The following RALGPS1 variants were observed in gnomAD, a reference collection of about 807,000 sequenced individuals.
RALGPS1 encodes the protein ras-specific guanine nucleotide-releasing factor RalGPS1.
Under a neutral mutation model 78.8 loss-of-function variants are expected in RALGPS1, and 19 were observed. The observed-to-expected ratio is 0.24, with a 90% confidence interval of 0.17 to 0.35. The LOEUF is 0.35. Among genes scored for constraint, RALGPS1 ranks in the 10% least tolerant of loss-of-function variants. RALGPS1 has a pLI of 1.00. For missense variants in RALGPS1, 454 were observed against 688.3 expected (o/e 0.66, Z 3.81); for synonymous variants, 228 against 256.3 (o/e 0.89, Z 1.06).
chr9:127,010,298 G>A (rs541195120), intron 4 of RALGPS1, among the ~76,000 whole-genome samples: 1 of 152,236 alleles, frequency 6.6e-6, no homozygotes, highest in East Asian at 1.9e-4. Context: ...TCCTCTGACT[G>A]TATTAAGGTG....
At chr9:126,923,617 A>G (rs907657760) in intron 1 of RALGPS1, among the ~76,000 whole-genome samples, 2 of 152,218 alleles carry the variant, frequency 1.3e-5, no homozygotes, top group Non-Finnish European at 2.9e-5. Flanking sequence ...AAGTATAGTA[A>G]TGCTTGGTAC....
chr9:127,079,893 A>G (rs1219836783), intron 8 of RALGPS1: 1 of 152,262 alleles, frequency 6.6e-6, no homozygotes, highest in Non-Finnish European at 1.5e-5. Flanking sequence ...GCAATGGATA[A>G]CGAGCACATT....
intron 1 of RALGPS1, among the ~76,000 whole-genome samples, chr9:126,928,943 T>C (rs1198379900): frequency 6.6e-6 from 1 of 152,170 alleles, no homozygotes; most frequent in Non-Finnish European, 1.5e-5. Context: ...ATATGTTACC[T>C]AACCTCTTTG....
At chr9:127,173,394 T>G (rs2139840934) in intron 10 of RALGPS1, among the ~76,000 whole-genome samples, 3 of 152,360 alleles carry the variant, frequency 2.0e-5, no homozygotes, top group Admixed American at 2.0e-4. Flanking sequence ...AGCCATGCCA[T>G]GATGCAACTC....
At chr9:126,956,570 A>G (rs985282769) in intron 1 of RALGPS1, among the ~76,000 whole-genome samples, 4 of 151,996 alleles carry the variant, frequency 2.6e-5, no homozygotes, top group Non-Finnish European at 5.9e-5. Context: ...GCCATGCTTC[A>G]TCTGTAGGTG....
intron 10 of RALGPS1, among the ~76,000 whole-genome samples, chr9:127,171,884 TA>T: frequency 6.6e-6 from 1 of 152,338 alleles, no homozygotes; most frequent in African/African-American, 2.4e-5. Context: ...ATGAGAATAT[TA>T]GCCCTCTCCC....
chr9:126,923,351 G>T lies in RALGPS1; in HGVS notation c.-66+8376G>T, dbSNP rs773088949. ...TGTGAGAGAAGCTGAGGGTCCTAACGCCTCAAGTGCCTGTTCTCATGCTCC... is the reference window on the plus strand; with the variant it reads ...TGTGAGAGAAGCTGAGGGTCCTAACTCCTCAAGTGCCTGTTCTCATGCTCC... On this transcript the variant is annotated intron_variant, in intron 1 of 18. Coordinates refer to ENST00000259351, the MANE Select transcript of RALGPS1 (RefSeq NM_014636.3). 4.6e-5 allele frequency among the ~76,000 whole-genome samples: 7 copies of T among 152,288 alleles called. No individual in the cohort carries two copies. The East Asian group carries it at 1.2e-3, about 25-fold the overall frequency.
chr9:127,000,117 C>T (rs2043153265), intron 4 of RALGPS1, among the ~76,000 whole-genome samples: 1 of 152,044 alleles, frequency 6.6e-6, no homozygotes, highest in African/African-American at 2.4e-5. Context: ...CTGGTCAGTC[C>T]AGCTAAAATT....
chr9:127,169,694 C>T (rs1406861434), intron 10 of RALGPS1, among the ~76,000 whole-genome samples: 6 of 152,140 alleles, frequency 3.9e-5, no homozygotes, highest in South Asian at 2.1e-4. Context: ...TACAGTGGTG[C>T]GAAAGCAACG....
At chr9:127,000,486 A>T in intron 4 of RALGPS1, among the ~76,000 whole-genome samples, 1 of 131,252 alleles carries the variant, frequency 7.6e-6, no homozygotes. Flanking sequence ...GTTTCCAAAT[A>T]TTTGAGGAAT....
intron 4 of RALGPS1, among the ~76,000 whole-genome samples, chr9:127,032,961 A>G (rs2046554336): frequency 6.6e-6 from 1 of 152,260 alleles, no homozygotes; most frequent in African/African-American, 2.4e-5. Context: ...GAGTCACAAT[A>G]TTCATCCAAG....
rs948613282 is a variant in RALGPS1 at position 127,220,266 on chromosome 9, G to A, written c.*1497G>A. On this transcript the variant is annotated 3_prime_UTR_variant, in exon 19 of 19. Coordinates refer to ENST00000259351, the MANE Select transcript of RALGPS1 (RefSeq NM_014636.3). Reference sequence around the variant, plus strand: ...ATCAGGCATCAAGCTACCCTCAAGAGTTTCTGGGCTGGATGTTTCAGAACA... The same window carrying A: ...ATCAGGCATCAAGCTACCCTCAAGAATTTCTGGGCTGGATGTTTCAGAACA... 1 of 152,124 alleles carries A rather than the reference G, an allele frequency of 6.6e-6. No individual in the cohort carries two copies. Among genetic ancestry groups the A allele is most frequent in the African/African-American group, 2.4e-5 (1 of 41,414 alleles). 9.4% of individuals were successfully genotyped at this position (152,124 alleles called of 1,614,324 possible).
chr9:127,023,991 C>T (rs1038375705), intron 4 of RALGPS1, among the ~76,000 whole-genome samples: 2 of 139,742 alleles, frequency 1.4e-5, no homozygotes, highest in South Asian at 2.4e-4. Context: ...AAGCTGAGAT[C>T]GCGCCACTGC....
chr9:126,973,385 G>A (rs1245799394), intron 3 of RALGPS1, among the ~76,000 whole-genome samples: 1 of 152,072 alleles, frequency 6.6e-6, no homozygotes, highest in Non-Finnish European at 1.5e-5. Context: ...TAGGTAGGTA[G>A]GTAGGTAGGT....
chr9:127,034,439 C>T lies in RALGPS1; in HGVS notation c.225C>T (p.Ala75=). 3 of 1,613,980 alleles carry T rather than the reference C, an allele frequency of 1.9e-6. No homozygotes were observed. The highest frequency in any genetic ancestry group is 2.5e-6 in the Non-Finnish European group (3 of 1,179,904). The change falls in exon 5 of 19, where the codon GCC becomes GCT. Residue 75 remains alanine (A), a synonymous_variant. Transcript: ENST00000259351. ...VFKAIQPEEL[A]SCGWSKKEKH... ...CATTCTGTGCTTCCTAGGAACTAGC[C>T]AGCTGTGGATGGAGTAAGAAGGAGA...
chr9:127,055,788 A>G (rs963761672), intron 7 of RALGPS1, among the ~76,000 whole-genome samples: 10 of 152,060 alleles, frequency 6.6e-5, no homozygotes, highest in African/African-American at 9.7e-5. Flanking sequence ...TTATTTTTTT[A>G]TTTTTGTTTT....
intron 1 of RALGPS1, among the ~76,000 whole-genome samples, chr9:126,929,609 G>A (rs1305576699): frequency 6.6e-6 from 1 of 151,726 alleles, no homozygotes; most frequent in African/African-American, 2.4e-5. Context: ...GTGCCACCAC[G>A]CCCAGCTAAT....
At chr9:127,096,118 T>G (rs1446316110) in intron 8 of RALGPS1, among the ~76,000 whole-genome samples, 3 of 152,186 alleles carry the variant, frequency 2.0e-5, no homozygotes, top group Admixed American at 6.5e-5. Context: ...AGCAGCTGCT[T>G]CCTTTGCCAG....
At chr9:127,174,299 G>C (rs767561706) in intron 10 of RALGPS1, among the ~76,000 whole-genome samples, 1 of 135,222 alleles carries the variant, frequency 7.4e-6, no homozygotes, top group Non-Finnish European at 1.5e-5. Context: ...GAGAAAGAAA[G>C]AGAAAGAAAG....
Sources: gnomAD v4.1 joint callset for allele counts (sites outside exome capture counted in the v4.1 genomes callset) on GRCh38, gnomAD v4.1.1 for gene constraint, MANE v1.5 for transcripts, NCBI Gene and HGNC (gene_info 2026-07-23, HGNC 2026-07-21) for gene names.